EPHA5: variants seen among roughly 807,000 people sequenced by gnomAD.
EPHA5 encodes the protein EPH receptor A5, also known as ephrin type-A receptor 5.
A neutral mutation model predicts 105.0 loss-of-function variants in EPHA5; 60 were observed. The observed-to-expected ratio is 0.57, with a 90% CI of 0.46 to 0.71. The LOEUF (loss-of-function observed/expected upper bound fraction) is 0.71, where lower values mean the gene tolerates loss of function less well. Among genes scored for constraint, EPHA5 ranks in the 30% least tolerant of loss-of-function variants. The pLI, the probability that EPHA5 is intolerant of heterozygous loss-of-function variation, is 0.00. For missense variants in EPHA5, 1,218 were observed against 1,274.7 expected, an observed-to-expected ratio of 0.96 and a Z score of 0.68; for synonymous variants, 513 against 449.1, an observed-to-expected ratio of 1.14 and a Z score of -1.80.
chr4:65,360,291 G>T lies in EPHA5; in HGVS notation c.2173+4726C>A, dbSNP rs375954657. Among the ~76,000 whole-genome samples the T allele has an allele frequency of 8.6e-5, 13 of 151,754 alleles. No individual in the cohort carries two copies. In the South Asian group the frequency reaches 2.7e-3, roughly 31 times the overall value. ...CAGAAACTCAGTCGGTTTAATCTCT[G>T]CTATAGCCCCACTGATTAGTAAGAA... On this transcript the variant is annotated intron_variant, in intron 11 of 16. Coordinates refer to ENST00000613740, the MANE Select transcript of EPHA5 (RefSeq NM_001281766.3).
chr4:65,580,769 G>A (rs952839737), intron 3 of EPHA5, among the ~76,000 whole-genome samples: 9 of 144,242 alleles, frequency 6.2e-5, no homozygotes, highest in Non-Finnish European at 1.4e-4. Context: ...GGCACCAAAG[G>A]AATCTAAATA....
At chr4:65,611,658 T>C (rs549873276) in intron 2 of EPHA5, among the ~76,000 whole-genome samples, 2 of 152,232 alleles carry the variant, frequency 1.3e-5, no homozygotes, top group South Asian at 2.1e-4. Flanking sequence ...TCCTCATTTT[T>C]CAGTAGATAA....
At chr4:65,345,595 A>C (rs962373241) in intron 14 of EPHA5, among the ~76,000 whole-genome samples, 1 of 152,208 alleles carries the variant, frequency 6.6e-6, no homozygotes, top group African/African-American at 2.4e-5. Context: ...GGAACTATGG[A>C]AAGTCGGAGG....
chr4:65,629,184 C>G (rs1746410169), intron 2 of EPHA5, among the ~76,000 whole-genome samples: 1 of 137,292 alleles, frequency 7.3e-6, no homozygotes, highest in African/African-American at 2.6e-5. Context: ...TCTTTTGTTT[C>G]TATACTTTCA....
At chr4:65,565,280 T>C (rs780990338) in intron 3 of EPHA5, among the ~76,000 whole-genome samples, 1 of 151,730 alleles carries the variant, frequency 6.6e-6, no homozygotes, top group Non-Finnish European at 1.5e-5. Flanking sequence ...TATATTATTA[T>C]GCAATCTTTT....
chr4:65,646,546 T>C (rs1054176839), intron 1 of EPHA5, among the ~76,000 whole-genome samples: 11 of 152,210 alleles, frequency 7.2e-5, no homozygotes, highest in African/African-American at 2.4e-4. Context: ...TACAATGTAC[T>C]GTCAACCTCC....
chr4:65,376,851 C>T (rs1719056485), intron 8 of EPHA5: 1 of 552,664 alleles, frequency 1.8e-6, no homozygotes, highest in Non-Finnish European at 3.1e-6. Flanking sequence ...TTGAAATAAT[C>T]CATTGTGAAA....
intron 13 of EPHA5, among the ~76,000 whole-genome samples, chr4:65,349,574 G>T (rs1329943203): frequency 1.3e-5 from 2 of 151,996 alleles, no homozygotes; most frequent in Non-Finnish European, 2.9e-5. Flanking sequence ...AATTTACATT[G>T]CAAGGGAAAA....
chr4:65,603,042 TTAGCTAACTTCTTGC>T (rs1743891478), intron 2 of EPHA5, among the ~76,000 whole-genome samples: 1 of 152,090 alleles, frequency 6.6e-6, no homozygotes, highest in South Asian at 2.1e-4. Context: ...ATTTTGAATA[TTAGCTAACTTCTTGC>T]GATATGTTGG....
chr4:65,440,772 G>T (rs1725938977), intron 5 of EPHA5, among the ~76,000 whole-genome samples: 1 of 151,926 alleles, frequency 6.6e-6, no homozygotes, highest in Non-Finnish European at 1.5e-5. Context: ...AGGGAGAGAA[G>T]GAGAAGAAAA....
intron 2 of EPHA5, among the ~76,000 whole-genome samples, chr4:65,615,424 A>G (rs1745144522): frequency 6.6e-6 from 1 of 151,892 alleles, no homozygotes; most frequent in Non-Finnish European, 1.5e-5. Context: ...GTAGAGAGGA[A>G]CAAGAATATG....
chr4:65,556,638 T>C (rs1260573198), intron 3 of EPHA5, among the ~76,000 whole-genome samples: 1 of 152,126 alleles, frequency 6.6e-6, no homozygotes, highest in African/African-American at 2.4e-5. Flanking sequence ...TCTAAGTATT[T>C]TCTGATTACT....
chr4:65,575,074 A>T (rs560924482), intron 3 of EPHA5, among the ~76,000 whole-genome samples: 1 of 152,084 alleles, frequency 6.6e-6, no homozygotes, highest in Admixed American at 6.6e-5. Flanking sequence ...TATGAACAAG[A>T]ATAAATCTAG....
At chr4:65,595,426 C>A (rs186771952) in intron 3 of EPHA5, among the ~76,000 whole-genome samples, 1 of 151,884 alleles carries the variant, frequency 6.6e-6, no homozygotes, top group Non-Finnish European at 1.5e-5. Context: ...TTCTATAAAA[C>A]GTACATAGTT....
intron 3 of EPHA5, among the ~76,000 whole-genome samples, chr4:65,588,298 C>T (rs953390956): frequency 1.3e-5 from 2 of 152,062 alleles, no homozygotes; most frequent in Admixed American, 6.6e-5. Flanking sequence ...GATCTTATTT[C>T]TTGGGATCTC....
intron 8 of EPHA5, among the ~76,000 whole-genome samples, chr4:65,402,390 A>G (rs1721929968): frequency 6.6e-6 from 1 of 152,194 alleles, no homozygotes; most frequent in South Asian, 2.1e-4. Context: ...CCAAATAGTA[A>G]GTAGATTGAA....
At chr4:65,364,560 C>T (rs1717668261) in intron 11 of EPHA5, among the ~76,000 whole-genome samples, 1 of 151,518 alleles carries the variant, frequency 6.6e-6, no homozygotes, top group African/African-American at 2.4e-5. Flanking sequence ...TTCCCTTGAA[C>T]TATTAACATA....
chr4:65,578,473 C>A (rs1175472101), intron 3 of EPHA5, among the ~76,000 whole-genome samples: 1 of 152,136 alleles, frequency 6.6e-6, no homozygotes, highest in Non-Finnish European at 1.5e-5. Flanking sequence ...GAGGGGCACA[C>A]ACACAGACAA....
At chr4:65,611,817 G>A (rs1744786982) in intron 2 of EPHA5, among the ~76,000 whole-genome samples, 1 of 151,752 alleles carries the variant, frequency 6.6e-6, no homozygotes, top group Non-Finnish European at 1.5e-5. Context: ...AGGGCTGTTA[G>A]CTTTCTCAAA....
Sources: allele counts gnomAD v4.1 joint callset (sites outside exome capture counted in the v4.1 genomes callset), GRCh38; gene constraint gnomAD v4.1.1; transcripts MANE v1.5; gene names NCBI Gene and HGNC (gene_info 2026-07-23, HGNC 2026-07-21).